POLD3: variants seen among roughly 807,000 people sequenced by gnomAD.
POLD3 encodes the protein DNA polymerase delta subunit 3.
In POLD3, 19 loss-of-function variants were observed where a neutral mutation model predicts 58.2. That is an observed-to-expected ratio of 0.33 (90% CI 0.23 to 0.48). The LOEUF (loss-of-function observed/expected upper bound fraction) is 0.48. Ranked by LOEUF, POLD3 falls within the 20% of genes least tolerant of loss-of-function variation. The pLI, the probability that POLD3 is intolerant of heterozygous loss-of-function variation, is 0.99. For synonymous variants in POLD3, 172 were observed against 193.5 expected (o/e 0.89, Z 0.92); for missense variants, 504 against 545.5 (o/e 0.92, Z 0.76).
intron 9 of POLD3, among the ~76,000 whole-genome samples, chr11:74,631,805 TG>T (rs1160522171): frequency 6.6e-6 from 1 of 152,166 alleles, no homozygotes; most frequent in East Asian, 1.9e-4. Context: ...TACCTGTGTC[TG>T]GAAACAAGTT....
At chr11:74,654,232 G>A (rs1319646730) in intron 4 of POLD3, among the ~76,000 whole-genome samples, 2 of 152,156 alleles carry the variant, frequency 1.3e-5, no homozygotes, top group Admixed American at 1.3e-4. Flanking sequence ...ATGCAGATAG[G>A]TTAAAAGTAG....
chr11:74,637,435 C>T (rs1400040143), intron 11 of POLD3, among the ~76,000 whole-genome samples: 57 of 115,364 alleles, frequency 4.9e-4, no homozygotes, highest in South Asian at 1.1e-3. Context: ...CTTTTTCTTC[C>T]TTTTTTTTTT....
Position 74,629,266 on chromosome 11 carries a change from A to C in POLD3, c.949A>C (p.Met317Leu). ...TGATGAGACAAAGGAAACTGAAAAC[A>C]TGAGGAAAAAGAGGAGAAGAATCAA... The part of the protein sequence containing the change: ...SDDETKETEN[M>L]RKKRRRIKLP... The change falls in exon 9 of 12, where the codon ATG (methionine) becomes CTG (leucine). Residue 317 changes from methionine to leucine, a missense_variant. Physicochemically the swap from Met to Leu is conservative, Grantham distance 15. This residue lies in a region of POLD3 where 385 missense variants were observed against 370.5 expected (regional missense o/e 1.04). Transcript: ENST00000263681. 6.2e-7 allele frequency: 1 copy of C among 1,609,508 alleles called. No homozygotes were observed.
chr11:74,605,144 A>G (rs190708499), intron 3 of POLD3, among the ~76,000 whole-genome samples: 3 of 152,312 alleles, frequency 2.0e-5, no homozygotes, highest in Non-Finnish European at 2.9e-5. Context: ...GTGTTCAAAA[A>G]TTATAATTTT....
At chr11:74,607,908 T>A (rs1304782771) in intron 3 of POLD3, among the ~76,000 whole-genome samples, 2 of 152,190 alleles carry the variant, frequency 1.3e-5, no homozygotes, top group Admixed American at 6.5e-5. Context: ...TGGATTTTTT[T>A]AAATGTAAAT....
chr11:74,643,510 A>G (rs2032962303), downstream of POLD3, among the ~76,000 whole-genome samples: 1 of 152,198 alleles, frequency 6.6e-6, no homozygotes, highest in African/African-American at 2.4e-5. Context: ...GGGTCCTCCA[A>G]GAGTTCCCAG....
intron 2 of POLD3, among the ~76,000 whole-genome samples, chr11:74,594,931 C>A (rs983714038): frequency 4.6e-4 from 70 of 152,194 alleles, no homozygotes; most frequent in Non-Finnish European, 1.0e-4. Flanking sequence ...CCGTCTTTGA[C>A]ATGTGGGGAT....
At position 74,634,598 on chromosome 11, in the gene POLD3, C is replaced by A; in HGVS notation, c.1022C>A (p.Pro341His). 6.2e-7 allele frequency: 1 copy of A among 1,603,438 alleles called. No individual in the cohort carries two copies. The highest frequency in any genetic ancestry group is 8.5e-7 in the Non-Finnish European group (1 of 1,170,404). The change falls in exon 10 of 12, where the codon CCT (proline) becomes CAT (histidine). Residue 341 changes from proline to histidine, a missense_variant. Physicochemically the swap from Pro to His is moderately conservative, Grantham distance 77. Around this residue, in one of 2 missense-constraint regions of POLD3, gnomAD observed 385 missense variants for 370.5 expected, o/e 1.04. Coordinates refer to ENST00000263681, the MANE Select transcript of POLD3 (RefSeq NM_006591.3). ...SSEDEVFPDS[P>H]GAYEAESPSP... ...ATTATTTCAGTCTTTCCAGACTCTC[C>A]TGGGGCTTATGAAGCTGAGTCACCA... is the stretch of plus-strand genomic sequence containing the variant.
At chr11:74,633,324 G>A (rs1001497532) in intron 9 of POLD3, among the ~76,000 whole-genome samples, 2 of 152,088 alleles carry the variant, frequency 1.3e-5, no homozygotes, top group African/African-American at 2.4e-5. Flanking sequence ...GCTAATAGCC[G>A]GACCGCTTTC....
In POLD3 at chr11:74,592,705, A is replaced by C; in HGVS notation, c.47A>C (p.Asp16Ala). ...GAAAATATAGACGAGTTCGTCACGG[A>C]CCAAAACAAGATCGTGAGCAGCTAC... ...YLENIDEFVT[D>A]QNKIVTYKWL... Residue 16 changes from aspartate to alanine, a missense_variant, in exon 1 of 12, where the codon GAC becomes GCC. Physicochemically the swap from Asp to Ala is moderately radical, Grantham distance 126 (BLOSUM62 -2). This residue lies in a region of POLD3 where 119 missense variants were observed against 175.0 expected (regional missense o/e 0.68). Transcript: ENST00000263681. The C allele has an allele frequency of 6.2e-7, 1 of 1,614,074 alleles. No homozygotes were observed. Among genetic ancestry groups the C allele is most frequent in the Non-Finnish European group, 8.5e-7 (1 of 1,179,974 alleles).
Position 74,656,458 on chromosome 11 carries a change from G to A in POLD3, c.370-12319G>A, listed in dbSNP as rs553064595. On this transcript the variant is annotated intron_variant, in intron 4 of 4. Transcript: ENST00000524752. ...AAAAATTAGCCAGGCATGGTGGCAC[G>A]CACCTGTAATCCCAGCTACTCAGGA... Among the ~76,000 whole-genome samples, 245 of 152,216 alleles carry A rather than the reference G, an allele frequency of 1.6e-3. 1 individual carries two copies. Among genetic ancestry groups the A allele is most frequent in the African/African-American group, 5.7e-3 (238 of 41,538 alleles).
intron 2 of POLD3, among the ~76,000 whole-genome samples, chr11:74,598,041 TG>T (rs1340350279): frequency 6.6e-6 from 1 of 151,898 alleles, no homozygotes; most frequent in Non-Finnish European, 1.5e-5. Flanking sequence ...TGATCACACC[TG>T]GGTGACAGAG....
intron 5 of POLD3, among the ~76,000 whole-genome samples, chr11:74,617,784 T>C (rs2135147343): frequency 6.6e-6 from 1 of 152,288 alleles, no homozygotes; most frequent in Non-Finnish European, 1.5e-5. Context: ...AGTGATGAGC[T>C]CATGGCTCAC....
chr11:74,638,630 G>C (rs1298386099), intron 11 of POLD3: 1 of 456,028 alleles, frequency 2.2e-6, no homozygotes, highest in South Asian at 1.6e-5. Context: ...TTTTGAAGAT[G>C]CATGTGAGAT....
At chr11:74,623,518 G>C (rs113692933) in intron 7 of POLD3, among the ~76,000 whole-genome samples, 1,528 of 152,204 alleles carry the variant, frequency 0.01, 12 homozygotes, top group Middle Eastern at 0.031. Context: ...ATGGGTTCAG[G>C]GTTTCTTTCT....
Position 74,592,948 on chromosome 11 carries a change from CAG to C in POLD3, c.60+233_60+234del, listed in dbSNP as rs1180270516. On this transcript the variant is annotated intron_variant, in intron 1 of 11. Transcript: ENST00000263681. Reference sequence around the variant, plus strand: ...GTCCCTTGGGTGGGCGTGCTGGGAACAGAGCCTGGGGCTGGAGCCGCGGAGAC... The same window carrying C: ...GTCCCTTGGGTGGGCGTGCTGGGAACAGCCTGGGGCTGGAGCCGCGGAGAC... 8 of 1,395,544 alleles carry C rather than the reference CAG, an allele frequency of 5.7e-6. No homozygotes were observed. The South Asian group carries it at 6.2e-5, about 11-fold the overall frequency. 86.4% of individuals were successfully genotyped at this position (1,395,544 alleles called of 1,614,324 possible).
chr11:74,618,369 T>C (rs948138696), intron 5 of POLD3, among the ~76,000 whole-genome samples, 168 bp from the exon 6 acceptor site: 1 of 152,216 alleles, frequency 6.6e-6, no homozygotes, highest in Non-Finnish European at 1.5e-5. Flanking sequence ...GTTTCATACA[T>C]TTTTCTAAAG....
chr11:74,640,524 T>A (rs758250781), intron 11 of POLD3, 40 bp from the exon 12 acceptor site: 4 of 1,466,348 alleles, frequency 2.7e-6, no homozygotes, highest in Admixed American at 5.0e-5. Context: ...GAGTAAATGA[T>A]TCAGCCCACC....
chr11:74,610,984 A>C (rs976765164), intron 3 of POLD3, among the ~76,000 whole-genome samples: 4 of 152,112 alleles, frequency 2.6e-5, no homozygotes, highest in Non-Finnish European at 4.4e-5. Context: ...CATGTTGGCC[A>C]GGGTGGTCTC....
Sources: gnomAD v4.1 joint callset for allele counts (sites outside exome capture counted in the v4.1 genomes callset) on GRCh38, gnomAD v4.1.1 for gene constraint, gnomAD v4.1.1 regional missense constraint, MANE v1.5 for transcripts, NCBI Gene and HGNC (gene_info 2026-07-23, HGNC 2026-07-21) for gene names.